Variants in KIAA0232 observed in about 807,000 individuals in gnomAD.
The protein encoded by KIAA0232 is uncharacterized protein KIAA0232.
A neutral mutation model predicts 122.0 loss-of-function variants in KIAA0232; 27 were observed. The ratio of observed to expected loss-of-function variants is 0.22; its 90% CI spans 0.16 to 0.31. The LOEUF (loss-of-function observed/expected upper bound fraction) is 0.31. KIAA0232 is among the 10% of genes least tolerant of loss of function. KIAA0232 has a pLI of 1.00. For missense variants in KIAA0232, 1,551 were observed against 1,634.2 expected (o/e 0.95, Z 0.88); for synonymous variants, 613 against 587.6 (o/e 1.04, Z -0.63).
chr4:6,858,640 G>A (rs944302580), intron 6 of KIAA0232, 134 bp downstream of exon 6: 35 of 590,542 alleles, frequency 5.9e-5, no homozygotes, highest in Non-Finnish European at 7.4e-5. Flanking sequence ...TTTATCGAGC[G>A]CTTATATGCT....
intron 1 of KIAA0232, among the ~76,000 whole-genome samples, chr4:6,783,838 C>G (rs1716484320): frequency 1.3e-5 from 2 of 152,190 alleles, no homozygotes; most frequent in South Asian, 4.1e-4. Flanking sequence ...GCTGCGGGGC[C>G]TGATCCGGCT....
chr4:6,803,571 T>C (rs1717483994), intron 1 of KIAA0232, among the ~76,000 whole-genome samples: 1 of 152,192 alleles, frequency 6.6e-6, no homozygotes, highest in East Asian at 1.9e-4. Flanking sequence ...TAGTAATTTC[T>C]TTCTAGAGTT....
At chr4:6,791,636 G>T (rs539703137) in intron 1 of KIAA0232, among the ~76,000 whole-genome samples, 8 of 152,038 alleles carry the variant, frequency 5.3e-5, no homozygotes, top group Admixed American at 1.3e-4. Context: ...GACTCAAGCC[G>T]ACTTTTTAAC....
chr4:6,798,841 C>T (rs1353075580), intron 1 of KIAA0232, among the ~76,000 whole-genome samples: 2 of 152,170 alleles, frequency 1.3e-5, no homozygotes, highest in Non-Finnish European at 2.9e-5. Flanking sequence ...CGTGAGCCAC[C>T]GTGCCCAGCT....
chr4:6,857,446 A>G (rs1188155007), intron 5 of KIAA0232, among the ~76,000 whole-genome samples: 1 of 152,162 alleles, frequency 6.6e-6, no homozygotes, highest in East Asian at 1.9e-4. Context: ...CCTGCAACCA[A>G]GGGAGGGACT....
chr4:6,871,609 T>C lies in KIAA0232; in HGVS notation c.3837T>C (p.Asn1279=), dbSNP rs926590000. The part of the protein sequence containing the change: ...PVLNTDIQGM[N]RSQEKQTWWE... Reference sequence around the variant, plus strand: ...TGAACACTGATATACAAGGAATGAATAGAAGTCAAGAAAAACAGACCTGGT... The same window carrying C: ...TGAACACTGATATACAAGGAATGAACAGAAGTCAAGAAAAACAGACCTGGT... The change falls in exon 8 of 10, where the codon AAT becomes AAC. Residue 1279 remains asparagine (N), a synonymous_variant. Transcript: ENST00000307659. 2.5e-6 allele frequency: 4 copies of C among 1,611,750 alleles called. No individual in the cohort carries two copies. The highest frequency in any genetic ancestry group is 2.2e-5 in the South Asian group (2 of 91,014).
At chr4:6,835,109 C>T (rs1184991412) in intron 3 of KIAA0232, among the ~76,000 whole-genome samples, 1 of 152,162 alleles carries the variant, frequency 6.6e-6, no homozygotes, top group African/African-American at 2.4e-5. Flanking sequence ...TGTCTGTCAT[C>T]TTGGCAGGTG....
chr4:6,860,814 A>G, intron 6 of KIAA0232, 87 bp from the exon 7 acceptor site: 1 of 1,133,224 alleles, frequency 8.8e-7, no homozygotes, highest in Non-Finnish European at 1.3e-6. Context: ...AAAATGAAAT[A>G]TTCCATTCTT....
chr4:6,815,645 TGTAGA>T (rs1275539520), intron 2 of KIAA0232, among the ~76,000 whole-genome samples: 1 of 152,212 alleles, frequency 6.6e-6, no homozygotes, highest in Non-Finnish European at 1.5e-5. Context: ...CATAGATGAA[TGTAGA>T]GTAGTCTGAA....
At chr4:6,797,921 A>G (rs1159233832) in intron 1 of KIAA0232, among the ~76,000 whole-genome samples, 5 of 151,568 alleles carry the variant, frequency 3.3e-5, no homozygotes, top group East Asian at 1.9e-4. Flanking sequence ...AGCCGGGCAC[A>G]GTGGCGGGCG....
chr4:6,867,103 C>CT (rs1482726145), intron 7 of KIAA0232, among the ~76,000 whole-genome samples: 4 of 152,158 alleles, frequency 2.6e-5, no homozygotes, highest in Admixed American at 6.5e-5. Flanking sequence ...ATCACCCTTC[C>CT]TTTTTTTATT....
chr4:6,843,730 GC>G lies in KIAA0232; in HGVS notation c.369+1528del, dbSNP rs372409044. 3.9e-3 allele frequency among the ~76,000 whole-genome samples: 586 copies of G among 151,892 alleles called. 1 individual carries two copies. The highest frequency in any genetic ancestry group is 0.013 in the African/African-American group (544 of 41,424). The stretch of plus-strand genomic sequence containing the variant: ...GGTTGCAGTGAGCCAGGATCATGCC[GC>G]CGCACTCCAACCTGGGCGACAGAGG... On this transcript the variant is annotated intron_variant, in intron 4 of 9. Coordinates refer to ENST00000307659, the MANE Select transcript of KIAA0232 (RefSeq NM_014743.3).
At chr4:6,806,416 A>T (rs1717615368) in intron 2 of KIAA0232, among the ~76,000 whole-genome samples, 1 of 152,200 alleles carries the variant, frequency 6.6e-6, no homozygotes, top group Non-Finnish European at 1.5e-5. Flanking sequence ...TCCATAGTAC[A>T]ATTAAACAAT....
chr4:6,851,386 A>T (rs954363261), intron 4 of KIAA0232, among the ~76,000 whole-genome samples: 1 of 152,226 alleles, frequency 6.6e-6, no homozygotes, highest in Non-Finnish European at 1.5e-5. Flanking sequence ...TATGAAAGTA[A>T]GAAACAGGAC....
chr4:6,864,869 C>G (rs1476476410), intron 7 of KIAA0232, among the ~76,000 whole-genome samples: 1 of 151,910 alleles, frequency 6.6e-6, no homozygotes, highest in Non-Finnish European at 1.5e-5. Flanking sequence ...GTCTAACTGA[C>G]TCTTAGAAGT....
In KIAA0232 at chr4:6,884,060, G is replaced by A. The variant is rs1722194643; in HGVS notation, c.*3094G>A. On this transcript the variant is annotated 3_prime_UTR_variant, in exon 10 of 10. Transcript: ENST00000307659. ...CAATGTTTTTTTGGTTGTTTATTCA[G>A]TATCTGAATAACGTTTCTATGGACA... 2 of 152,100 alleles carry A rather than the reference G, an allele frequency of 1.3e-5. No individual in the cohort carries two copies. The highest frequency in any genetic ancestry group is 4.1e-4 in the South Asian group (2 of 4,826). The allele number at this position is 152,100 out of a possible 1,614,324, so 9.4% of individuals were successfully genotyped here.
At chr4:6,811,852 C>T (rs1269935438) in intron 2 of KIAA0232, among the ~76,000 whole-genome samples, 1 of 150,380 alleles carries the variant, frequency 6.6e-6, no homozygotes, top group Non-Finnish European at 1.5e-5. Context: ...TAACCTTTTC[C>T]CTCAGTTTGT....
intron 2 of KIAA0232, among the ~76,000 whole-genome samples, chr4:6,807,066 C>A (rs986599609): frequency 6.6e-6 from 1 of 151,080 alleles, no homozygotes; most frequent in African/African-American, 2.4e-5. Context: ...ATCTATCTAT[C>A]TATCTATCTA....
At chr4:6,788,977 T>A (rs1002617015) in intron 1 of KIAA0232, among the ~76,000 whole-genome samples, 9 of 151,686 alleles carry the variant, frequency 5.9e-5, no homozygotes, top group African/African-American at 1.2e-4. Flanking sequence ...CTTTTTTTTT[T>A]ATTTTTATTT....
Sources: gnomAD v4.1 joint callset for allele counts (sites outside exome capture counted in the v4.1 genomes callset) on GRCh38, gnomAD v4.1.1 for gene constraint, MANE v1.5 for transcripts, NCBI Gene and HGNC (gene_info 2026-07-23, HGNC 2026-07-21) for gene names.